The following LACTBL1 variants were observed in gnomAD, a reference collection of about 807,000 sequenced individuals.
LACTBL1 encodes the protein beta-lactamase-like protein 1.
Under a neutral mutation model 39.6 loss-of-function variants are expected in LACTBL1, and 29 were observed. The observed-to-expected ratio is 0.73, with a 90% CI of 0.55 to 1.00. LACTBL1 has a LOEUF of 1.00. Ranked by LOEUF, LACTBL1 falls within the 50% of genes least tolerant of loss-of-function variation. The pLI is 0.00. For synonymous variants in LACTBL1, 361 were observed against 360.7 expected, an observed-to-expected ratio of 1.00 and a Z score of -0.01; for missense variants, 711 against 748.5, an observed-to-expected ratio of 0.95 and a Z score of 0.59.
At chr1:22,954,551 C>G (rs1330762835) in intron 5 of LACTBL1, among the ~76,000 whole-genome samples, 1 of 152,162 alleles carries the variant, frequency 6.6e-6, no homozygotes, top group Non-Finnish European at 1.5e-5. Context: ...CACAAATTCT[C>G]CTAGGCATTC....
intron 1 of LACTBL1, among the ~76,000 whole-genome samples, chr1:22,963,626 G>A (rs1451609771): frequency 1.3e-5 from 2 of 152,182 alleles, no homozygotes; most frequent in South Asian, 2.1e-4. Flanking sequence ...AAACCACAGC[G>A]ACAACTCATT....
chr1:22,967,565 T>TAC (rs761074956), upstream of LACTBL1, among the ~76,000 whole-genome samples: 84 of 141,018 alleles, frequency 6.0e-4, no homozygotes, highest in Non-Finnish European at 1.1e-3. Context: ...TCTCCATATA[T>TAC]ATACACACAC....
At chr1:22,959,979 G>A (rs1640803280) in exon 3 of LACTBL1, 2 of 1,551,132 alleles carry the variant, frequency 1.3e-6, no homozygotes, top group Admixed American at 3.9e-5. Flanking sequence ...CCAGAAGCCG[G>A]GTCTGAGCCA....
exon 6 of LACTBL1, chr1:22,953,352 G>A: frequency 2.4e-6 from 3 of 1,229,078 alleles, no homozygotes; most frequent in Non-Finnish European, 3.0e-6. Flanking sequence ...CCGGCCCGGC[G>A]CGCACCTCGT....
intron 4 of LACTBL1, among the ~76,000 whole-genome samples, chr1:22,956,780 C>A (rs1353766979): frequency 1.3e-5 from 2 of 152,086 alleles, no homozygotes; most frequent in East Asian, 1.9e-4. Context: ...CTGCCCCCAA[C>A]CTTGTCGACT....
At chr1:22,960,007 C>T (rs1209629668) in exon 3 of LACTBL1, 1 of 1,551,134 alleles carries the variant, frequency 6.4e-7, no homozygotes, top group Non-Finnish European at 8.7e-7. Context: ...TCCCAAAGTT[C>T]CCTGTCCAGA....
In LACTBL1 at chr1:22,954,017, A is replaced by T. The variant is rs1458764764; in HGVS notation, c.667T>A (p.Tyr223Asn). 7.2e-6 allele frequency: 11 copies of T among 1,532,264 alleles called. No homozygotes were observed. The East Asian group carries it at 2.7e-4, about 38-fold the overall frequency. 94.9% of individuals were successfully genotyped at this position (1,532,264 alleles called of 1,614,324 possible). A position where few individuals can be genotyped will look rare whatever the true frequency, so the allele number is the denominator to read the frequency against. ...AGGAGCGAGAAGGCCAGCGTGCTGTAATGGCATCTGGAAGGAGAGCAGTGG... is the reference window on the plus strand; with the variant it reads ...AGGAGCGAGAAGGCCAGCGTGCTGTTATGGCATCTGGAAGGAGAGCAGTGG... Residue 223 changes from tyrosine to asparagine, a missense_variant, in exon 6 of 6, where the codon TAC (tyrosine) becomes AAC (asparagine). Coordinates refer to ENST00000426928, the Ensembl canonical transcript of LACTBL1.
intron 5 of LACTBL1, 86 bp downstream of exon 7, chr1:22,955,235 T>G: frequency 2.8e-6 from 3 of 1,054,434 alleles, no homozygotes; most frequent in Non-Finnish European, 4.2e-6. Context: ...CAACCTAGGA[T>G]GAGGTGATGT....
intron 2 of LACTBL1, among the ~76,000 whole-genome samples, chr1:22,960,309 G>C (rs1437568998): frequency 6.6e-6 from 1 of 152,216 alleles, no homozygotes; most frequent in East Asian, 1.9e-4. Context: ...TAAAAAAGGA[G>C]AGGGGGTTAA....
At chr1:22,958,789 A>G in exon 4 of LACTBL1, 1 of 1,550,676 alleles carries the variant, frequency 6.4e-7, no homozygotes, top group Non-Finnish European at 8.7e-7. Context: ...GGCTGATGCC[A>G]GGCCCAGCGG....
intron 4 of LACTBL1, among the ~76,000 whole-genome samples, chr1:22,955,789 G>T (rs927352312): frequency 2.0e-5 from 3 of 152,214 alleles, no homozygotes; most frequent in Non-Finnish European, 4.4e-5. Context: ...GGGGCCGGGC[G>T]CGGTGGCTCA....
chr1:22,957,153 A>G (rs925040218), intron 4 of LACTBL1, among the ~76,000 whole-genome samples: 3 of 152,130 alleles, frequency 2.0e-5, no homozygotes, highest in Non-Finnish European at 4.4e-5. Context: ...CCTACTTAGT[A>G]TTCTATCTTA....
chr1:22,961,379 T>C (rs1640820908), intron 2 of LACTBL1, among the ~76,000 whole-genome samples: 1 of 152,150 alleles, frequency 6.6e-6, no homozygotes, highest in South Asian at 2.1e-4. Flanking sequence ...TTTTTGTTTT[T>C]TGAGACCAGA....
chr1:22,956,394 AGAG>A (rs1014383519), intron 4 of LACTBL1, among the ~76,000 whole-genome samples: 26 of 152,012 alleles, frequency 1.7e-4, no homozygotes, highest in African/African-American at 6.3e-4. Flanking sequence ...AGAAGGAGAA[AGAG>A]GAGGAGGAGG....
At chr1:22,967,561 T>C (rs1640893932), upstream of LACTBL1, among the ~76,000 whole-genome samples, 2 of 141,386 alleles carry the variant, frequency 1.4e-5, 1 homozygote, top group African/African-American at 5.7e-5. Context: ...TCTCTCTCCA[T>C]ATATATACAC....
At chr1:22,972,418 G>A in the LACTBL1 span, 1 of 985,152 alleles carries the variant, frequency 1.0e-6, no homozygotes. Flanking sequence ...AAGGCAAAAA[G>A]AGGTCCTGAG....
At chr1:22,970,621 A>C in the LACTBL1 span, among the ~76,000 whole-genome samples, 1 of 152,120 alleles carries the variant, frequency 6.6e-6, no homozygotes, top group Non-Finnish European at 1.5e-5. Flanking sequence ...CAGGCTGGGC[A>C]ACATAGCAAG....
At chr1:22,953,665 T>C (rs1640731775) in exon 6 of LACTBL1, 1 of 1,271,516 alleles carries the variant, frequency 7.9e-7, no homozygotes, top group Non-Finnish European at 9.9e-7. Flanking sequence ...GTTGGCGAAG[T>C]AGGCGCCCGG....
At chr1:22,954,059 C>G (rs2124222095) in intron 5 of LACTBL1, 35 bp from the exon 8 acceptor site, 1 of 1,489,020 alleles carries the variant, frequency 6.7e-7, no homozygotes, top group South Asian at 1.3e-5. Flanking sequence ...GGACGGGGCC[C>G]TTCCTCACCC....
Sources: gnomAD v4.1 joint callset for allele counts (sites outside exome capture counted in the v4.1 genomes callset) on GRCh38, gnomAD v4.1.1 for gene constraint, MANE v1.5 for transcripts, NCBI Gene and HGNC (gene_info 2026-07-23, HGNC 2026-07-21) for gene names.